The following RAD54L2 variants were observed in gnomAD, a reference collection of about 807,000 sequenced individuals.
RAD54L2 encodes the protein RAD54 like 2, also known as helicase ARIP4.
In RAD54L2, 27 loss-of-function variants were observed where a neutral mutation model predicts 138.4. The observed-to-expected ratio is 0.20, with a 90% CI of 0.14 to 0.27. The LOEUF (loss-of-function observed/expected upper bound fraction) is 0.27. Ranked by LOEUF, RAD54L2 falls within the 10% of genes least tolerant of loss-of-function variation. The pLI, the probability that RAD54L2 is intolerant of heterozygous loss-of-function variation, is 1.00. For missense variants in RAD54L2, 1,396 were observed against 1,890.2 expected, an observed-to-expected ratio of 0.74 and a Z score of 4.85; for synonymous variants, 644 against 723.2, an observed-to-expected ratio of 0.89 and a Z score of 1.76.
intron 15 of RAD54L2, among the ~76,000 whole-genome samples, chr3:51,642,785 C>T (rs1056141245): frequency 1.1e-4 from 17 of 152,068 alleles, no homozygotes; most frequent in African/African-American, 3.9e-4. Context: ...AGAAGACCCC[C>T]AGCACAAGGT....
At chr3:51,555,521 G>A (rs1013187415) in intron 2 of RAD54L2, among the ~76,000 whole-genome samples, 1 of 152,168 alleles carries the variant, frequency 6.6e-6, no homozygotes, top group East Asian at 1.9e-4. Flanking sequence ...GCCAGGCGTG[G>A]TGTTGCACAC....
rs1934796455 is a variant in RAD54L2 at position 51,663,690 on chromosome 3, C to A, written c.*270C>A. The A allele has an allele frequency of 2.3e-6, 1 of 431,408 alleles. No individual in the cohort carries two copies. Among genetic ancestry groups the A allele is most frequent in the Admixed American group, 4.1e-5 (1 of 24,510 alleles). The allele number at this position is 431,408 out of a possible 1,614,324, so 26.7% of individuals were successfully genotyped here. A position where few individuals can be genotyped will look rare whatever the true frequency, so the allele number is the denominator to read the frequency against. ...ATGGAGGGGCAGTGCAGCCTCTTTT[C>A]CTTCCTGCCTTGCTTATGCTGTCTG... On this transcript the variant is annotated 3_prime_UTR_variant, in exon 23 of 23. Transcript: ENST00000684192.
intron 2 of RAD54L2, among the ~76,000 whole-genome samples, chr3:51,589,368 C>T (rs1446640334): frequency 6.6e-6 from 1 of 152,050 alleles, no homozygotes; most frequent in Admixed American, 6.6e-5. Context: ...CTGCACTCCA[C>T]CCACACTCCA....
chr3:51,631,300 T>TG (rs950268469), intron 7 of RAD54L2, among the ~76,000 whole-genome samples: 1 of 152,030 alleles, frequency 6.6e-6, no homozygotes, highest in African/African-American at 2.4e-5. Context: ...AGTCAGAAGA[T>TG]GGGGGGACTT....
chr3:51,572,471 G>A (rs1208938759), intron 2 of RAD54L2, among the ~76,000 whole-genome samples: 4 of 142,114 alleles, frequency 2.8e-5, no homozygotes, highest in African/African-American at 5.4e-5. Flanking sequence ...AAAAAAAAAA[G>A]GCTGGACATG....
intron 3 of RAD54L2, among the ~76,000 whole-genome samples, chr3:51,596,395 G>A (rs904986170): frequency 5.0e-4 from 76 of 151,892 alleles, no homozygotes; most frequent in Admixed American, 1.3e-4. Flanking sequence ...TTGTCCTCCT[G>A]CAGCAGAGAA....
chr3:51,645,435 C>A lies in RAD54L2; in HGVS notation c.2657-156C>A, dbSNP rs570525304. ...TGAGTTTAATGATAACAGCCAAGCT[C>A]GTTATACAAGTTTTCCCCTTATATG... On this transcript the variant is annotated intron_variant, in intron 17 of 22. Transcript: ENST00000684192. This position sits in a 1 kb window ranked among gnomAD's most constrained non-coding sequence, Gnocchi z 6.1. 3.3e-5 allele frequency among the ~76,000 whole-genome samples: 5 copies of A among 152,286 alleles called. No homozygotes were observed. The highest frequency in any genetic ancestry group is 1.3e-4 in the Admixed American group (2 of 15,286).
intron 3 of RAD54L2, among the ~76,000 whole-genome samples, chr3:51,609,861 T>C (rs1700289915): frequency 6.6e-6 from 1 of 152,096 alleles, no homozygotes; most frequent in Admixed American, 6.6e-5. Context: ...CCTCTCCTAG[T>C]TTCTTCTTGC....
intron 16 of RAD54L2, among the ~76,000 whole-genome samples, chr3:51,644,648 C>T (rs1031165455): frequency 5.9e-5 from 9 of 152,212 alleles, no homozygotes; most frequent in African/African-American, 1.2e-4. Context: ...CTTCTGCCAT[C>T]GTAATGCCCT....
At chr3:51,591,319 A>C (rs558257032) in intron 3 of RAD54L2, among the ~76,000 whole-genome samples, 1 of 152,182 alleles carries the variant, frequency 6.6e-6, no homozygotes, top group East Asian at 1.9e-4. Context: ...TAAGCTTCCT[A>C]CTGACTGAGG....
chr3:51,658,767 C>G (rs897495382), intron 21 of RAD54L2, among the ~76,000 whole-genome samples: 8 of 152,098 alleles, frequency 5.3e-5, no homozygotes, highest in Non-Finnish European at 7.4e-5. Context: ...TGGATTCTTC[C>G]TAGTCTAGAA....
At chr3:51,657,375 A>C (rs965761078) in intron 20 of RAD54L2, among the ~76,000 whole-genome samples, 1 of 152,206 alleles carries the variant, frequency 6.6e-6, no homozygotes, top group Non-Finnish European at 1.5e-5. Flanking sequence ...ATTTCTGACA[A>C]AGTTCCTGTT....
Position 51,638,091 on chromosome 3 carries a change from T to C in RAD54L2, c.1683-53T>C. On this transcript the variant is annotated intron_variant, in intron 11 of 22. Transcript: ENST00000684192. This position sits in a 1 kb window ranked among gnomAD's most constrained non-coding sequence, Gnocchi z 4.3. ...AAAAGGCTCTGTTTTTATCTTGTGC[T>C]GACCCCTCCTGGCCACACTACCTTG... The C allele has an allele frequency of 6.4e-7, 1 of 1,563,438 alleles. No individual in the cohort carries two copies. The highest frequency in any genetic ancestry group is 8.8e-7 in the Non-Finnish European group (1 of 1,139,922).
At chr3:51,552,355 C>T (rs935622855) in intron 2 of RAD54L2, among the ~76,000 whole-genome samples, 8 of 151,496 alleles carry the variant, frequency 5.3e-5, no homozygotes, top group Non-Finnish European at 1.2e-4. Flanking sequence ...CTCCGCCTCC[C>T]GGGTTCATGC....
intron 2 of RAD54L2, among the ~76,000 whole-genome samples, chr3:51,585,427 C>T (rs902618531): frequency 6.6e-6 from 1 of 152,146 alleles, no homozygotes; most frequent in Non-Finnish European, 1.5e-5. Context: ...TCAGTGTGAA[C>T]TCTGCAAGCC....
chr3:51,628,334 T>C (rs1423782095), intron 4 of RAD54L2, among the ~76,000 whole-genome samples: 1 of 152,150 alleles, frequency 6.6e-6, no homozygotes, highest in African/African-American at 2.4e-5. Context: ...AATATTACTC[T>C]GAGTTTGAAA....
At position 51,663,351 on chromosome 3, in the gene RAD54L2, C is replaced by T. The variant is rs370181135; in HGVS notation, c.4335C>T (p.Ala1445=). The T allele has an allele frequency of 8.7e-6, 14 of 1,613,678 alleles. No homozygotes were observed. Among genetic ancestry groups the T allele is most frequent in the Middle Eastern group, 1.6e-4 (1 of 6,084 alleles). ...QVPPFDSHEV[A]EVGFSSNDDE... Reference sequence around the variant, plus strand: ...CTCCATTTGACTCTCATGAGGTTGCCGAGGTTGGGTTCAGCTCCAATGATG... The same window carrying T: ...CTCCATTTGACTCTCATGAGGTTGCTGAGGTTGGGTTCAGCTCCAATGATG... The change falls in exon 23 of 23, where the codon GCC becomes GCT. Residue 1445 remains alanine, a synonymous_variant. Transcript: ENST00000684192.
intron 2 of RAD54L2, 31 bp from the exon 3 acceptor site, chr3:51,590,336 G>A: frequency 7.1e-7 from 1 of 1,406,888 alleles, no homozygotes; most frequent in Non-Finnish European, 9.4e-7. Context: ...CAAAACCCTT[G>A]GTGATTCTGA....
chr3:51,633,979 G>A lies in RAD54L2; in HGVS notation c.1086G>A (p.Lys362=). 6.2e-7 allele frequency: 1 copy of A among 1,613,950 alleles called. No homozygotes were observed. The highest frequency in any genetic ancestry group is 8.5e-7 in the Non-Finnish European group (1 of 1,179,864). ...CTGAAGCCCTCCCGGCTGACAACAA[G>A]CCTGAAGAAGTCCAGCCTCGGTTCT... ...PPPEALPADN[K]PEEVQPRFFK... Residue 362 remains lysine (K), a synonymous_variant, in exon 9 of 23, where the codon AAG becomes AAA. Transcript: ENST00000684192.
Sources: allele counts gnomAD v4.1 joint callset (sites outside exome capture counted in the v4.1 genomes callset), GRCh38; gene constraint gnomAD v4.1.1; non-coding constraint Gnocchi (gnomAD v3.1); transcripts MANE v1.5; gene names NCBI Gene and HGNC (gene_info 2026-07-23, HGNC 2026-07-21).